Variants in SLC49A4 observed in about 807,000 individuals in gnomAD.
SLC49A4 encodes disrupted in renal cancer protein 2.
A neutral mutation model predicts 50.6 loss-of-function variants in SLC49A4; 36 were observed. The observed-to-expected ratio is 0.71, with a 90% confidence interval of 0.55 to 0.94. SLC49A4 has a LOEUF of 0.94. Ranked by LOEUF, SLC49A4 falls within the 40% of genes least tolerant of loss-of-function variation. SLC49A4 has a pLI of 0.00. For synonymous variants in SLC49A4, 248 were observed against 241.2 expected, an observed-to-expected ratio of 1.03 and a Z score of -0.26; for missense variants, 503 against 605.7, an observed-to-expected ratio of 0.83 and a Z score of 1.78.
chr3:122,833,258 T>C lies in SLC49A4; in HGVS notation c.704-59T>C, dbSNP rs72968345. 4,137 of 1,542,910 alleles carry C rather than the reference T, an allele frequency of 2.7e-3. 104 individuals are homozygous for C. The African/African-American group carries it at 0.051, about 19-fold the overall frequency. ...CCTGTTTCAAAAAACAAATAAATAC[T>C]TGAAGTCTTCAACTTTTTGTGTTTC... On this transcript the variant is annotated intron_variant, in intron 3 of 8. Transcript: ENST00000261038.
chr3:122,837,554 A>G, intron 4 of SLC49A4, among the ~76,000 whole-genome samples: 1 of 152,192 alleles, frequency 6.6e-6, no homozygotes, highest in African/African-American at 2.4e-5. Flanking sequence ...TTATACAAAA[A>G]TTAATTCAAG....
At chr3:122,817,313 A>G (rs1936383530) in intron 2 of SLC49A4, among the ~76,000 whole-genome samples, 2 of 152,202 alleles carry the variant, frequency 1.3e-5, no homozygotes, top group African/African-American at 4.8e-5. Context: ...GAGCCAACGA[A>G]TGCGGGCGGC....
chr3:122,869,967 T>C (rs1937174951), intron 7 of SLC49A4, among the ~76,000 whole-genome samples: 1 of 151,496 alleles, frequency 6.6e-6, no homozygotes, highest in African/African-American at 2.4e-5. Context: ...CAAATCTCTC[T>C]TTTCAAGACT....
chr3:122,872,348 C>T (rs956816718), intron 7 of SLC49A4, 67 bp from the exon 8 acceptor site: 9 of 1,341,972 alleles, frequency 6.7e-6, no homozygotes, highest in Non-Finnish European at 9.3e-6. Context: ...GAGAACACCC[C>T]GAAGATCTAT....
At chr3:122,812,862 A>T (rs1052558180) in intron 2 of SLC49A4, among the ~76,000 whole-genome samples, 1 of 152,204 alleles carries the variant, frequency 6.6e-6, no homozygotes, top group African/African-American at 2.4e-5. Context: ...AGTAAAACTC[A>T]TGACTATGTC....
intron 2 of SLC49A4, among the ~76,000 whole-genome samples, chr3:122,813,855 A>T (rs1172630089): frequency 6.6e-6 from 1 of 152,196 alleles, no homozygotes; most frequent in African/African-American, 2.4e-5. Context: ...ATATTAGTTT[A>T]AAAAAATGAA....
rs139475424 is a variant in SLC49A4 at position 122,876,296 on chromosome 3, G to A, written c.1322-2967G>A. ...CTTTTTGTTCTAGAAGCTTTGCAGCGGGTTTTGCTAAAAGCATCATGATTT... is the reference window on the plus strand; with the variant it reads ...CTTTTTGTTCTAGAAGCTTTGCAGCAGGTTTTGCTAAAAGCATCATGATTT... On this transcript the variant is annotated intron_variant, in intron 8 of 8. Transcript: ENST00000261038. 4.4e-3 allele frequency among the ~76,000 whole-genome samples: 668 copies of A among 152,270 alleles called. 6 individuals carry two copies. The highest frequency in any genetic ancestry group is 0.015 in the African/African-American group (639 of 41,546).
At chr3:122,812,154 A>G (rs71330912) in intron 2 of SLC49A4, among the ~76,000 whole-genome samples, 15,589 of 152,054 alleles carry the variant, frequency 0.1, 830 homozygotes, top group East Asian at 0.14. Context: ...CAGAGTCCCA[A>G]TATTTTGCCT....
At chr3:122,850,213 C>T (rs763192998) in intron 5 of SLC49A4, among the ~76,000 whole-genome samples, 10 of 152,092 alleles carry the variant, frequency 6.6e-5, no homozygotes, top group African/African-American at 2.4e-4. Flanking sequence ...TGTTTGAGAA[C>T]GATGTTAATA....
chr3:122,818,087 A>G (rs1438114921), intron 2 of SLC49A4, among the ~76,000 whole-genome samples: 1 of 152,218 alleles, frequency 6.6e-6, no homozygotes, highest in Non-Finnish European at 1.5e-5. Flanking sequence ...ATTCACATAC[A>G]AAGATTGTCA....
At chr3:122,835,279 C>A (rs10934616) in intron 4 of SLC49A4, among the ~76,000 whole-genome samples, 66,021 of 151,890 alleles carry the variant, frequency 0.43, 15,395 homozygotes, top group South Asian at 0.55. Context: ...TTCTATGAAG[C>A]CAGTGTCACC....
intron 7 of SLC49A4, among the ~76,000 whole-genome samples, chr3:122,869,915 C>T (rs1218946758): frequency 6.6e-6 from 1 of 152,144 alleles, no homozygotes; most frequent in Non-Finnish European, 1.5e-5. Flanking sequence ...CATCCCATGC[C>T]TCTTTCTTTG....
intron 5 of SLC49A4, among the ~76,000 whole-genome samples, chr3:122,854,345 C>T (rs1017596196): frequency 1.3e-5 from 2 of 152,210 alleles, no homozygotes; most frequent in African/African-American, 4.8e-5. Flanking sequence ...AGGCTATGCT[C>T]CTGGGAGAAG....
Position 122,827,039 on chromosome 3 carries a change from A to T in SLC49A4, c.677A>T (p.Asp226Val), listed in dbSNP as rs770641909. 2 of 1,613,568 alleles carry T rather than the reference A, an allele frequency of 1.2e-6. No individual in the cohort carries two copies. The highest frequency in any genetic ancestry group is 8.5e-7 in the Non-Finnish European group (1 of 1,179,468). Residue 226 changes from aspartate (D) to valine (V), a missense_variant, in exon 3 of 9, where the codon GAT becomes GTT. Asp to Val is a radical substitution (Grantham distance 152). Transcript: ENST00000261038. ...GAGAGCAGCAGGGCGCATATTAAAGATCGCATAGAGGCTGTGTTATATGCA... is the reference window on the plus strand; with the variant it reads ...GAGAGCAGCAGGGCGCATATTAAAGTTCGCATAGAGGCTGTGTTATATGCA... ...AAESSRAHIK[D>V]RIEAVLYAEF...
rs140729928 is a variant in SLC49A4, at chr3:122,812,710, A to G, written c.437+5760A>G. ...ACTTTAAATAGTAATTGATTAAACA[A>G]ATACCTTTATGCTTGTCCATCCTAC... On this transcript the variant is annotated intron_variant, in intron 2 of 8. Transcript: ENST00000261038. Among the ~76,000 whole-genome samples, 19 of 152,376 alleles carry G rather than the reference A, an allele frequency of 1.2e-4. No individual in the cohort carries two copies. In the East Asian group the frequency reaches 2.7e-3, roughly 22 times the overall value.
chr3:122,857,956 G>A, intron 6 of SLC49A4, among the ~76,000 whole-genome samples: 1 of 152,046 alleles, frequency 6.6e-6, no homozygotes, highest in South Asian at 2.1e-4. Context: ...GGACTTTTCT[G>A]CTTTTAATTT....
At chr3:122,874,523 CAT>C (rs758125201) in intron 8 of SLC49A4, among the ~76,000 whole-genome samples, 22 of 152,308 alleles carry the variant, frequency 1.4e-4, no homozygotes, top group South Asian at 8.3e-4. Flanking sequence ...TGTTCTTATA[CAT>C]GTTTGTGTAG....
intron 1 of SLC49A4, among the ~76,000 whole-genome samples, chr3:122,802,599 A>G (rs1034012001): frequency 2.0e-5 from 3 of 152,228 alleles, no homozygotes; most frequent in Non-Finnish European, 2.9e-5. Flanking sequence ...CCTGGAATGG[A>G]AAAACCTCTG....
chr3:122,850,920 C>T (rs990314620), intron 5 of SLC49A4, among the ~76,000 whole-genome samples: 1 of 152,262 alleles, frequency 6.6e-6, no homozygotes, highest in South Asian at 2.1e-4. Flanking sequence ...TGTCATCTTT[C>T]CTACCTTCTG....
Sources: allele counts gnomAD v4.1 joint callset (sites outside exome capture counted in the v4.1 genomes callset), GRCh38; gene constraint gnomAD v4.1.1; transcripts MANE v1.5; gene names NCBI Gene and HGNC (gene_info 2026-07-23, HGNC 2026-07-21).